The following COL23A1 variants were observed in gnomAD, a reference collection of about 807,000 sequenced individuals.
COL23A1 encodes the protein collagen alpha-1(XXIII) chain.
COL23A1 carries 97 observed loss-of-function variants against 99.3 expected under a neutral mutation model. The observed-to-expected ratio is 0.98, with a 90% CI of 0.83 to 1.16. The LOEUF is 1.16. Ranked by LOEUF, COL23A1 falls within the 50% of genes most tolerant of loss-of-function variation. The pLI is 0.00. For missense variants in COL23A1, 762 were observed against 757.4 expected (o/e 1.01, Z -0.07); for synonymous variants, 320 against 308.2 (o/e 1.04, Z -0.40).
intron 11 of COL23A1, among the ~76,000 whole-genome samples, chr5:178,260,581 G>A (rs556414585): frequency 1.5e-3 from 232 of 152,256 alleles, no homozygotes; most frequent in African/African-American, 5.2e-3. Flanking sequence ...GATCACCTGA[G>A]GTCAGAAGTT....
At chr5:178,242,745 G>C (rs1764475423) in intron 25 of COL23A1, among the ~76,000 whole-genome samples, 1 of 152,196 alleles carries the variant, frequency 6.6e-6, no homozygotes, top group Non-Finnish European at 1.5e-5. Context: ...TTATGTCACT[G>C]TCTGATGGGA....
chr5:178,427,370 C>A (rs1766002354), intron 2 of COL23A1, among the ~76,000 whole-genome samples: 2 of 152,184 alleles, frequency 1.3e-5, no homozygotes, highest in African/African-American at 4.8e-5. Flanking sequence ...CAGTTTCTTA[C>A]AAAACTAAAC....
At chr5:178,502,254 C>T (rs1468605477) in intron 2 of COL23A1, among the ~76,000 whole-genome samples, 1 of 152,176 alleles carries the variant, frequency 6.6e-6, no homozygotes, top group African/African-American at 2.4e-5. Flanking sequence ...GCCTCAGCCT[C>T]CCTAGCAGCT....
At chr5:178,311,261 C>G (rs1386376020) in intron 2 of COL23A1, among the ~76,000 whole-genome samples, 3 of 144,544 alleles carry the variant, frequency 2.1e-5, no homozygotes, top group Non-Finnish European at 2.9e-5. Flanking sequence ...GAGCAACTTA[C>G]TCAACCTCAT....
rs201638575 is a variant in COL23A1, at chr5:178,256,354, C to T, written c.881G>A (p.Arg294Gln). ...CTCGCCTGAGGGGCGGCAGCTTACC[C>T]GGGGCCCTGCAGCTCCATCCGTGCC... ...HRGTDGAAGP[R>Q]GAPGLKGEQG... The change falls in exon 15 of 29, where the codon CGG (arginine) becomes CAG (glutamine). Residue 294 changes from arginine to glutamine, a missense_variant and splice_region_variant. Physicochemically the swap from Arg to Gln is conservative, Grantham distance 43. Coordinates refer to ENST00000390654, the MANE Select transcript of COL23A1 (RefSeq NM_173465.4). The T allele has an allele frequency of 2.0e-4, 316 of 1,602,510 alleles. No individual in the cohort carries two copies. Among genetic ancestry groups the T allele is most frequent in the Non-Finnish European group, 2.4e-4 (284 of 1,173,580 alleles).
intron 1 of COL23A1, among the ~76,000 whole-genome samples, chr5:178,569,964 C>G (rs1266303928): frequency 6.6e-6 from 1 of 152,130 alleles, no homozygotes; most frequent in Non-Finnish European, 1.5e-5. Flanking sequence ...TCCTTCGTAA[C>G]TCAATCATAG....
rs940232695 is a variant in COL23A1 at position 178,384,182 on chromosome 5, T to C, written c.362-77263A>G. 6.6e-6 allele frequency among the ~76,000 whole-genome samples: 1 copy of C among 151,966 alleles called. No homozygotes were observed. The highest frequency in any genetic ancestry group is 1.5e-5 in the Non-Finnish European group (1 of 68,002). The stretch of plus-strand genomic sequence containing the variant: ...AGAGGCAGGGTCAGGGGCGGCACTT[T>C]TAAGATAGTGACAACGAGAGCAGCG... On this transcript the variant is annotated intron_variant, in intron 2 of 28. Coordinates refer to ENST00000390654, the MANE Select transcript of COL23A1 (RefSeq NM_173465.4). The surrounding 1 kb of genome is among the most constrained non-coding windows in gnomAD (Gnocchi z 5.5).
rs572802434 is a variant in COL23A1 at position 178,583,628 on chromosome 5, C to G, written c.294+6276G>C. Among the ~76,000 whole-genome samples, 4 of 152,264 alleles carry G rather than the reference C, an allele frequency of 2.6e-5. No homozygotes were observed. The East Asian group carries it at 7.7e-4, about 29-fold the overall frequency. The stretch of plus-strand genomic sequence containing the variant: ...ATGCAGGCAATCCACACTGGTCCAT[C>G]AGAGGGAATTAGGGAATTTCTGCTG... On this transcript the variant is annotated intron_variant, in intron 1 of 28. Coordinates refer to ENST00000390654, the MANE Select transcript of COL23A1 (RefSeq NM_173465.4).
intron 2 of COL23A1, among the ~76,000 whole-genome samples, chr5:178,538,810 C>T (rs771274165): frequency 1.2e-4 from 19 of 152,102 alleles, no homozygotes; most frequent in Non-Finnish European, 2.1e-4. Flanking sequence ...AATAAGCAAA[C>T]AGTGGAAACC....
chr5:178,586,605 G>C (rs1284613042), intron 1 of COL23A1, among the ~76,000 whole-genome samples: 1 of 98,944 alleles, frequency 1.0e-5, no homozygotes, highest in Non-Finnish European at 2.0e-5. Context: ...CCAAACTGTT[G>C]CAAGGAAAAA....
At chr5:178,304,140 C>A (rs1240425875) in intron 3 of COL23A1, among the ~76,000 whole-genome samples, 1 of 152,120 alleles carries the variant, frequency 6.6e-6, no homozygotes, top group Non-Finnish European at 1.5e-5. Context: ...TGAAGGCAGG[C>A]AGGATCACCC....
chr5:178,245,013 A>G (rs1264235319), intron 25 of COL23A1, among the ~76,000 whole-genome samples: 1 of 141,648 alleles, frequency 7.1e-6, no homozygotes, highest in African/African-American at 2.7e-5. Flanking sequence ...CCATCCCTCC[A>G]CTGCCATCAT....
At chr5:178,427,014 T>C (rs1278279116) in intron 2 of COL23A1, among the ~76,000 whole-genome samples, 1 of 152,182 alleles carries the variant, frequency 6.6e-6, no homozygotes, top group African/African-American at 2.4e-5. Flanking sequence ...CTGGCCATTA[T>C]GGTGAAACCC....
intron 4 of COL23A1, among the ~76,000 whole-genome samples, chr5:178,289,662 C>T (rs528938244): frequency 8.5e-5 from 13 of 152,280 alleles, no homozygotes; most frequent in South Asian, 6.2e-4. Flanking sequence ...TGCCAAAGCA[C>T]GGGACACTGA....
chr5:178,449,228 C>T (rs1035938032), intron 2 of COL23A1, among the ~76,000 whole-genome samples: 3 of 152,182 alleles, frequency 2.0e-5, no homozygotes, highest in African/African-American at 4.8e-5. Context: ...GACTGAGATG[C>T]TATCAGAGGA....
intron 2 of COL23A1, among the ~76,000 whole-genome samples, chr5:178,484,550 G>A (rs1042944592): frequency 3.9e-5 from 6 of 152,252 alleles, no homozygotes; most frequent in African/African-American, 9.6e-5. Flanking sequence ...CGGGCCGGGC[G>A]TGGTGGCTCA....
chr5:178,544,212 C>T lies in COL23A1; in HGVS notation c.361+16470G>A, dbSNP rs1581603532. 6.6e-6 allele frequency among the ~76,000 whole-genome samples: 1 copy of T among 152,134 alleles called. No homozygotes were observed. On this transcript the variant is annotated intron_variant, in intron 2 of 28. Transcript: ENST00000390654. The surrounding 1 kb of genome is among the most constrained non-coding windows in gnomAD (Gnocchi z 4.4). ...CCACACAGTCCCCTCCCATGCAACC[C>T]TTCCTTCCCCTTCCCACCCCACCAC... is the stretch of plus-strand genomic sequence containing the variant.
chr5:178,523,161 T>TATATATATA (rs1396046819), intron 2 of COL23A1, among the ~76,000 whole-genome samples: 1 of 90,872 alleles, frequency 1.1e-5, no homozygotes, highest in African/African-American at 3.8e-5. Context: ...TATATATATA[T>TATATATATA]ACATATATAT....
rs922946659 is a variant in COL23A1 at position 178,306,774 on chromosome 5, G to A, written c.406+101C>T. 3.3e-5 allele frequency: 28 copies of A among 856,966 alleles called. No individual in the cohort carries two copies. The highest frequency in any genetic ancestry group is 4.2e-5 in the Non-Finnish European group (25 of 591,686). 53.1% of individuals were successfully genotyped at this position (856,966 alleles called of 1,614,324 possible). ...GAGCACCTGCCCAGGACCAAGGCAT[G>A]ACTCAGGGTGGGCAGCAGGTGGCCA... On this transcript the variant is annotated intron_variant, in intron 3 of 28. Coordinates refer to ENST00000390654, the MANE Select transcript of COL23A1 (RefSeq NM_173465.4). This position sits in a 1 kb window ranked among gnomAD's most constrained non-coding sequence, Gnocchi z 4.1.
Sources: gnomAD v4.1 joint callset for allele counts (sites outside exome capture counted in the v4.1 genomes callset) on GRCh38, gnomAD v4.1.1 for gene constraint, Gnocchi (gnomAD v3.1) non-coding constraint, MANE v1.5 for transcripts, NCBI Gene and HGNC (gene_info 2026-07-23, HGNC 2026-07-21) for gene names.